The following ZC3H12B variants were observed in gnomAD, a reference collection of about 807,000 sequenced individuals.
The protein encoded by ZC3H12B is probable ribonuclease ZC3H12B.
ZC3H12B carries 7 observed loss-of-function variants against 43.9 expected under a neutral mutation model. The observed-to-expected ratio is 0.16, with a 90% CI of 0.09 to 0.30. The LOEUF is 0.30. Among genes scored for constraint, ZC3H12B ranks in the 10% least tolerant of loss-of-function variants. The probability of loss-of-function intolerance (pLI) is 1.00; values close to 1 mark genes in which losing one functional copy is unlikely to be tolerated. For synonymous variants in ZC3H12B, 222 were observed against 241.7 expected, an observed-to-expected ratio of 0.92 and a Z score of 0.76; for missense variants, 475 against 670.2, an observed-to-expected ratio of 0.71 and a Z score of 3.22.
chrX:65,088,309 G>C, the ZC3H12B span, among the ~76,000 whole-genome samples: 2 of 111,186 alleles, frequency 1.8e-5, no homozygotes, highest in African/African-American at 6.6e-5. Flanking sequence ...TGCAAACTAC[G>C]CAGACCTACT....
intron 3 of ZC3H12B, among the ~76,000 whole-genome samples, chrX:65,439,882 C>T (rs1259562773): frequency 3.6e-5 from 4 of 109,720 alleles, no homozygotes; most frequent in African/African-American, 6.7e-5. Context: ...AACTGGGGAT[C>T]CTTCCGGAGT....
At chrX:65,421,407 C>T (rs182968934) in intron 3 of ZC3H12B, among the ~76,000 whole-genome samples, 1 of 112,181 alleles carries the variant, frequency 8.9e-6, no homozygotes, top group Non-Finnish European at 1.9e-5. Flanking sequence ...AGAGACCAAC[C>T]CTGAGTCCTC....
At chrX:65,168,333 T>A in the ZC3H12B span, among the ~76,000 whole-genome samples, 7 of 111,851 alleles carry the variant, frequency 6.3e-5, no homozygotes, top group Admixed American at 9.6e-5. Context: ...TATGCTTGAT[T>A]ACATTTATTG....
intron 3 of ZC3H12B, among the ~76,000 whole-genome samples, chrX:65,429,371 C>G (rs1034852054): frequency 8.9e-6 from 1 of 112,288 alleles, no homozygotes; most frequent in African/African-American, 3.2e-5. Context: ...CTGGAACAGC[C>G]AAGGTGGCAG....
chrX:65,432,824 G>T (rs769025128), intron 3 of ZC3H12B, among the ~76,000 whole-genome samples: 1 of 111,938 alleles, frequency 8.9e-6, no homozygotes, highest in Non-Finnish European at 1.9e-5. Flanking sequence ...GCATGCAAAT[G>T]TCTTACCAAT....
chrX:65,152,932 A>G, the ZC3H12B span, among the ~76,000 whole-genome samples: 9 of 111,778 alleles, frequency 8.1e-5, no homozygotes, highest in African/African-American at 2.6e-4. Flanking sequence ...AATGCCACAT[A>G]TCTACAACTA....
At chrX:65,272,900 G>T in the ZC3H12B span, 3 of 112,140 alleles carry the variant, frequency 2.7e-5, no homozygotes, top group Non-Finnish European at 5.6e-5. Context: ...GTCCAAAAGG[G>T]TGACATTCTT....
the ZC3H12B span, among the ~76,000 whole-genome samples, chrX:65,335,378 A>T: frequency 8.9e-6 from 1 of 112,070 alleles, no homozygotes; most frequent in Non-Finnish European, 1.9e-5. Context: ...AACTTTAGCC[A>T]GGCCAAACAG....
At chrX:65,226,569 T>G in the ZC3H12B span, among the ~76,000 whole-genome samples, 2 of 111,574 alleles carry the variant, frequency 1.8e-5, no homozygotes, top group Non-Finnish European at 3.8e-5. Context: ...ATGCTCCAAT[T>G]AAAAGACACA....
At chrX:65,370,534 C>T (rs2066230871) in intron 2 of ZC3H12B, among the ~76,000 whole-genome samples, 1 of 111,837 alleles carries the variant, frequency 8.9e-6, no homozygotes, top group Admixed American at 9.5e-5. Flanking sequence ...GGAATATTTA[C>T]CATATGCTAG....
chrX:65,266,255 TAGAC>T, the ZC3H12B span, among the ~76,000 whole-genome samples: 7 of 112,101 alleles, frequency 6.2e-5, no homozygotes, highest in South Asian at 3.7e-4. Flanking sequence ...AAATTCCAAT[TAGAC>T]AGATTAGAAA....
At chrX:65,110,887 C>G in the ZC3H12B span, among the ~76,000 whole-genome samples, 1 of 111,063 alleles carries the variant, frequency 9.0e-6, no homozygotes, top group African/African-American at 3.3e-5. Flanking sequence ...CTATTTAGAT[C>G]TCCCCTAATA....
At chrX:65,451,203 G>A (rs1320602032) in intron 3 of ZC3H12B, among the ~76,000 whole-genome samples, 2 of 110,771 alleles carry the variant, frequency 1.8e-5, no homozygotes, top group Non-Finnish European at 3.8e-5. Flanking sequence ...ACACACCTCG[G>A]TATCCCAAAG....
At chrX:65,161,729 G>A in the ZC3H12B span, among the ~76,000 whole-genome samples, 215 of 112,158 alleles carry the variant, frequency 1.9e-3, 1 homozygote, top group African/African-American at 6.6e-3. Flanking sequence ...TTGCCAGTCA[G>A]TGTCTTTTAA....
At chrX:65,443,005 C>T (rs1382033839) in intron 3 of ZC3H12B, among the ~76,000 whole-genome samples, 1 of 110,913 alleles carries the variant, frequency 9.0e-6, no homozygotes, top group African/African-American at 3.3e-5. Context: ...GGTCATTTTC[C>T]TCAAAATAAT....
chrX:65,038,308 A>G, the ZC3H12B span, among the ~76,000 whole-genome samples: 2 of 111,247 alleles, frequency 1.8e-5, no homozygotes, highest in Non-Finnish European at 3.8e-5. Flanking sequence ...GTTAACTTTA[A>G]TTCACAGTAG....
chrX:65,161,136 T>C, the ZC3H12B span, among the ~76,000 whole-genome samples: 16 of 111,790 alleles, frequency 1.4e-4, no homozygotes, highest in Non-Finnish European at 3.8e-5. Flanking sequence ...CACTTTGTTA[T>C]AATTTCTGTT....
intron 3 of ZC3H12B, among the ~76,000 whole-genome samples, chrX:65,449,026 GGAAA>G (rs766358257): frequency 2.4e-3 from 151 of 61,937 alleles, no homozygotes; most frequent in Admixed American, 7.6e-3. Context: ...AAGGAAAGAA[GGAAA>G]GAAAGAAAGA....
the ZC3H12B span, among the ~76,000 whole-genome samples, chrX:65,184,784 C>G: frequency 9.0e-6 from 1 of 111,351 alleles, no homozygotes; most frequent in South Asian, 3.7e-4. Flanking sequence ...ATATGTAAAA[C>G]TGAAAGTCTA....
Sources: allele counts gnomAD v4.1 joint callset (sites outside exome capture counted in the v4.1 genomes callset), GRCh38; gene constraint gnomAD v4.1.1; transcripts MANE v1.5; gene names NCBI Gene and HGNC (gene_info 2026-07-23, HGNC 2026-07-21).